Variants in LMO3 observed in about 807,000 individuals in gnomAD.
LMO3 encodes LIM domain only protein 3.
Under a neutral mutation model 15.8 loss-of-function variants are expected in LMO3, and 2 were observed. That is an observed-to-expected ratio of 0.13 (90% CI 0.05 to 0.40). LMO3 has a LOEUF of 0.40. Among genes scored for constraint, LMO3 ranks in the 10% least tolerant of loss-of-function variants. The probability of loss-of-function intolerance (pLI) is 0.99; values close to 1 mark genes in which losing one functional copy is unlikely to be tolerated. For missense variants in LMO3, 86 were observed against 182.2 expected, an observed-to-expected ratio of 0.47 and a Z score of 3.04; for synonymous variants, 62 against 63.8, an observed-to-expected ratio of 0.97 and a Z score of 0.13.
At chr12:16,600,549 A>AAT in intron 2 of LMO3, 106 bp downstream of exon 2, 1 of 930,842 alleles carries the variant, frequency 1.1e-6, no homozygotes, top group Non-Finnish European at 1.7e-6. Context: ...TTCTTTCAGG[A>AAT]ATATAAGCTG....
rs1283839381 is a variant in LMO3, at chr12:16,587,734, G to A, written c.206+12921C>T. 1.3e-5 allele frequency among the ~76,000 whole-genome samples: 2 copies of A among 151,620 alleles called. No individual in the cohort carries two copies. The highest frequency in any genetic ancestry group is 3.0e-5 in the Non-Finnish European group (2 of 67,736). ...CAAACAATGATATGTATTACATGCA[G>A]TAAACACTGCCTTTGGTACACAGGG... On this transcript the variant is annotated intron_variant, in intron 2 of 3. Transcript: ENST00000537304. The surrounding 1 kb of genome is among the most constrained non-coding windows in gnomAD (Gnocchi z 4.3).
At position 16,591,406 on chromosome 12, in the gene LMO3, C is replaced by T. The variant is rs926122653; in HGVS notation, c.206+9249G>A. The stretch of plus-strand genomic sequence containing the variant: ...TCCACACAAACCAAAATTCTACAAA[C>T]CTCTTGTACTGCTTCATTTTCTCCT... On this transcript the variant is annotated intron_variant, in intron 2 of 3. Transcript: ENST00000537304. This position sits in a 1 kb window ranked among gnomAD's most constrained non-coding sequence, Gnocchi z 4.1. 6.6e-6 allele frequency among the ~76,000 whole-genome samples: 1 copy of T among 152,016 alleles called. No individual in the cohort carries two copies. The highest frequency in any genetic ancestry group is 1.5e-5 in the Non-Finnish European group (1 of 67,952).
At chr12:16,581,961 T>C (rs1256083454) in intron 2 of LMO3, among the ~76,000 whole-genome samples, 1 of 152,100 alleles carries the variant, frequency 6.6e-6, no homozygotes, top group Non-Finnish European at 1.5e-5. Context: ...ATAATTATCT[T>C]TTTTACTATT....
At chr12:16,600,904 C>T (rs1409239509) in intron 1 of LMO3, 36 bp from the exon 2 acceptor site, 1 of 1,453,868 alleles carries the variant, frequency 6.9e-7, no homozygotes, top group Non-Finnish European at 9.6e-7. Flanking sequence ...AGAGCTGAGA[C>T]TACCAGACAG....
chr12:16,557,908 A>G (rs1332158464), intron 3 of LMO3, among the ~76,000 whole-genome samples: 2 of 152,026 alleles, frequency 1.3e-5, no homozygotes, highest in African/African-American at 4.8e-5. Context: ...CATTCTTTCT[A>G]CTATTCTACA....
Position 16,593,808 on chromosome 12 carries a change from T to C in LMO3, c.206+6847A>G, listed in dbSNP as rs965103008. Among the ~76,000 whole-genome samples, 12 of 151,816 alleles carry C rather than the reference T, an allele frequency of 7.9e-5. No individual in the cohort carries two copies. The highest frequency in any genetic ancestry group is 6.6e-4 in the Admixed American group (10 of 15,226). ...AATGAAAAGCTAAATGCCACATTTC[T>C]TGCTTCACAGTATAAACTTCCACTT... On this transcript the variant is annotated intron_variant, in intron 2 of 3. Coordinates refer to ENST00000537304, the MANE Select transcript of LMO3 (RefSeq NM_018640.5). This position sits in a 1 kb window ranked among gnomAD's most constrained non-coding sequence, Gnocchi z 4.2.
chr12:16,564,464 T>A (rs184169624), intron 2 of LMO3, among the ~76,000 whole-genome samples: 309 of 152,190 alleles, frequency 2.0e-3, no homozygotes, highest in Non-Finnish European at 3.1e-3. Context: ...GGACTGGGGG[T>A]AGGGAAAAAC....
At chr12:16,590,544 G>A (rs1943461082) in intron 2 of LMO3, among the ~76,000 whole-genome samples, 1 of 151,848 alleles carries the variant, frequency 6.6e-6, no homozygotes, top group Non-Finnish European at 1.5e-5. Flanking sequence ...GACTTCAAGA[G>A]TAGAAAATTA....
chr12:16,563,619 C>T (rs1039641721), intron 2 of LMO3, among the ~76,000 whole-genome samples: 10 of 152,066 alleles, frequency 6.6e-5, no homozygotes, highest in African/African-American at 2.2e-4. Context: ...CTCCCACACT[C>T]GTTTATAAAG....
Position 16,605,887 on chromosome 12 carries a change from A to C in LMO3, c.-9+179T>G, listed in dbSNP as rs1591839750. 18 of 1,463,626 alleles carry C rather than the reference A, an allele frequency of 1.2e-5. No individual in the cohort carries two copies. The South Asian group carries it at 2.2e-4, about 18-fold the overall frequency. The allele number at this position is 1,463,626 out of a possible 1,614,324, so 90.7% of individuals were successfully genotyped here. A position where few individuals can be genotyped will look rare whatever the true frequency, so the allele number is the denominator to read the frequency against. ...CACATGATTTAAACAAAACCGTCTC[A>C]GTAGAGCTGCAGCCCGAGTGAAAGT... On this transcript the variant is annotated intron_variant, in intron 1 of 3. Transcript: ENST00000537304.
chr12:16,570,421 G>A (rs188195952), intron 2 of LMO3, among the ~76,000 whole-genome samples: 3 of 151,508 alleles, frequency 2.0e-5, no homozygotes, highest in Admixed American at 6.6e-5. Flanking sequence ...TACTCATCTC[G>A]TAATTAAGGC....
intron 3 of LMO3, 110 bp from the exon 4 acceptor site, chr12:16,551,437 G>GA (rs1353568607): frequency 4.3e-5 from 29 of 675,590 alleles, no homozygotes; most frequent in Non-Finnish European, 1.6e-5. Context: ...CCCTGAATCT[G>GA]AAAACCTGGC....
intron 2 of LMO3, among the ~76,000 whole-genome samples, chr12:16,572,264 G>T (rs1361981980): frequency 1.3e-5 from 2 of 148,378 alleles, no homozygotes; most frequent in Non-Finnish European, 3.0e-5. Context: ...AAAACCTGTA[G>T]ATTACATATT....
rs1423011844 is a variant in LMO3, at chr12:16,604,999, G to A, written c.-9+1067C>T. ...TTTCGCTTAAGTGTGGACCTGGTGC[G>A]CAGCCTACACCGCCGAGGACCGACT... On this transcript the variant is annotated intron_variant, in intron 1 of 3. Transcript: ENST00000537304. This position sits in a 1 kb window ranked among gnomAD's most constrained non-coding sequence, Gnocchi z 5.3. 1.3e-6 allele frequency: 2 copies of A among 1,592,278 alleles called. No individual in the cohort carries two copies. Among genetic ancestry groups the A allele is most frequent in the Non-Finnish European group, 1.7e-6 (2 of 1,176,718 alleles).
rs1943001685 is a variant in LMO3, at chr12:16,576,571, T to C, written c.207-16033A>G. ...TCATATACTACTTCATCTTTCAGAA[T>C]CTGTATCAGTTACGTACCTGTTTGT... is the stretch of plus-strand genomic sequence containing the variant. On this transcript the variant is annotated intron_variant, in intron 2 of 3. Transcript: ENST00000537304. The surrounding 1 kb of genome is among the most constrained non-coding windows in gnomAD (Gnocchi z 4.1). Among the ~76,000 whole-genome samples, 1 of 152,216 alleles carries C rather than the reference T, an allele frequency of 6.6e-6. No homozygotes were observed.
intron 2 of LMO3, chr12:16,594,106 G>A (rs939721487): frequency 2.0e-6 from 3 of 1,529,324 alleles, no homozygotes; most frequent in Non-Finnish European, 2.6e-6. Context: ...CTGGCGTCAG[G>A]TGTTTGAATT....
chr12:16,596,711 G>A lies in LMO3; in HGVS notation c.206+3944C>T, dbSNP rs1432571219. On this transcript the variant is annotated intron_variant, in intron 2 of 3. Transcript: ENST00000537304. The surrounding 1 kb of genome is among the most constrained non-coding windows in gnomAD (Gnocchi z 4.3). Reference sequence around the variant, plus strand: ...ATTCTAAGACTCTGATTATGCACTGGCTGGCTACTTTATTCATATTTTTTC... The same window carrying A: ...ATTCTAAGACTCTGATTATGCACTGACTGGCTACTTTATTCATATTTTTTC... 1.3e-5 allele frequency among the ~76,000 whole-genome samples: 2 copies of A among 151,640 alleles called. No individual in the cohort carries two copies. The highest frequency in any genetic ancestry group is 4.8e-5 in the African/African-American group (2 of 41,382).
At chr12:16,564,542 A>G (rs1942523310) in intron 2 of LMO3, among the ~76,000 whole-genome samples, 1 of 152,206 alleles carries the variant, frequency 6.6e-6, no homozygotes, top group South Asian at 2.1e-4. Flanking sequence ...GGGGAAAATG[A>G]GTGTTCATTG....
Position 16,604,898 on chromosome 12 carries a change from T to C in LMO3, c.-9+1168A>G. ...TTCTCCTTTTTCTGCATGAGTTGAC[T>C]TAGGCGTGTCTGAGTTGCAGCAGCT... On this transcript the variant is annotated intron_variant, in intron 1 of 3. Transcript: ENST00000537304. This position sits in a 1 kb window ranked among gnomAD's most constrained non-coding sequence, Gnocchi z 5.3. The C allele has an allele frequency of 6.3e-7, 1 of 1,598,466 alleles. No homozygotes were observed. Among genetic ancestry groups the C allele is most frequent in the Non-Finnish European group, 8.5e-7 (1 of 1,179,808 alleles).
Sources: allele counts gnomAD v4.1 joint callset (sites outside exome capture counted in the v4.1 genomes callset), GRCh38; gene constraint gnomAD v4.1.1; non-coding constraint Gnocchi (gnomAD v3.1); transcripts MANE v1.5; gene names NCBI Gene and HGNC (gene_info 2026-07-23, HGNC 2026-07-21).